ARHGAP5: variants seen among roughly 807,000 people sequenced by gnomAD.
ARHGAP5 encodes the protein Rho GTPase activating protein 5.
In ARHGAP5, 23 loss-of-function variants were observed where a neutral mutation model predicts 116.6. The observed-to-expected ratio is 0.20, with a 90% confidence interval of 0.14 to 0.28. ARHGAP5 has a LOEUF of 0.28. ARHGAP5 is among the 10% of genes least tolerant of loss of function. ARHGAP5 has a pLI of 1.00. For missense variants in ARHGAP5, 1,405 were observed against 1,774.8 expected, an observed-to-expected ratio of 0.79 and a Z score of 3.74; for synonymous variants, 574 against 602.0, an observed-to-expected ratio of 0.95 and a Z score of 0.68.
At chr14:32,121,783 C>T (rs1216029286) in intron 3 of ARHGAP5, among the ~76,000 whole-genome samples, 2 of 152,220 alleles carry the variant, frequency 1.3e-5, no homozygotes, top group African/African-American at 4.8e-5. Context: ...CATCAACTTT[C>T]TGCCTTTACA....
rs1178267435 is a variant in ARHGAP5 at position 32,093,296 on chromosome 14, C to T, written c.2627C>T (p.Thr876Ile). 2 of 1,613,662 alleles carry T rather than the reference C, an allele frequency of 1.2e-6. No homozygotes were observed. Among genetic ancestry groups the T allele is most frequent in the South Asian group, 1.1e-5 (1 of 90,968 alleles). The change falls in exon 2 of 7, where the codon ACC (threonine) becomes ATC (isoleucine). Residue 876 changes from threonine to isoleucine, a missense_variant. Around this residue, in one of 6 missense-constraint regions of ARHGAP5, gnomAD observed 944 missense variants for 1,095.3 expected, o/e 0.86. Transcript: ENST00000345122. ...LRAFLSEVQD[T>I]IPVQLVAVTD... ...GCATTTCTATCAGAAGTTCAAGACA[C>T]CATTCCTGTACAGCTGGTGGCAGTT...
intron 3 of ARHGAP5, among the ~76,000 whole-genome samples, chr14:32,140,494 G>A (rs1225024903): frequency 6.6e-6 from 1 of 152,096 alleles, no homozygotes; most frequent in East Asian, 1.9e-4. Context: ...GGAGGCTGAG[G>A]CAGGAGAACG....
At chr14:32,133,942 A>G (rs1880648472) in intron 3 of ARHGAP5, among the ~76,000 whole-genome samples, 1 of 152,146 alleles carries the variant, frequency 6.6e-6, no homozygotes, top group Non-Finnish European at 1.5e-5. Flanking sequence ...AATCAATAGA[A>G]AAAGAGGGAA....
intron 1 of ARHGAP5, among the ~76,000 whole-genome samples, chr14:32,084,781 T>C (rs1270678317): frequency 6.6e-6 from 1 of 152,180 alleles, no homozygotes; most frequent in Admixed American, 6.6e-5. Flanking sequence ...TAAACTGTGG[T>C]TCAAAGATGA....
At chr14:32,122,608 T>G (rs577460421) in intron 3 of ARHGAP5, among the ~76,000 whole-genome samples, 53 of 152,316 alleles carry the variant, frequency 3.5e-4, no homozygotes, top group African/African-American at 1.3e-3. Flanking sequence ...CACAAAGATT[T>G]ATTCCATTTA....
At chr14:32,082,424 A>G (rs530268109) in intron 1 of ARHGAP5, among the ~76,000 whole-genome samples, 3 of 152,278 alleles carry the variant, frequency 2.0e-5, no homozygotes, top group South Asian at 4.1e-4. Flanking sequence ...ACCACCATCT[A>G]TTGCTGAAAC....
At chr14:32,096,539 A>T (rs952111034) in intron 2 of ARHGAP5, among the ~76,000 whole-genome samples, 1 of 152,206 alleles carries the variant, frequency 6.6e-6, no homozygotes, top group African/African-American at 2.4e-5. Flanking sequence ...AATAGAGAAT[A>T]CTATCAACAA....
intron 3 of ARHGAP5, among the ~76,000 whole-genome samples, chr14:32,124,511 A>G (rs1004669652): frequency 1.3e-5 from 2 of 152,226 alleles, no homozygotes; most frequent in African/African-American, 4.8e-5. Context: ...CTGAAGAGAA[A>G]GGGAATAATA....
chr14:32,152,376 T>TATA (rs766724478), intron 5 of ARHGAP5, 47 bp from the exon 6 acceptor site: 3 of 1,277,536 alleles, frequency 2.3e-6, no homozygotes, highest in Non-Finnish European at 3.4e-6. Context: ...CAAATATTTT[T>TATA]AAATGTGTAA....
At chr14:32,086,947 TCTAAC>T (rs1445304184) in intron 1 of ARHGAP5, among the ~76,000 whole-genome samples, 2 of 152,178 alleles carry the variant, frequency 1.3e-5, no homozygotes, top group Non-Finnish European at 2.9e-5. Flanking sequence ...AGATTTTCCT[TCTAAC>T]CTTATAATTT....
At chr14:32,123,808 T>A (rs528936367) in intron 3 of ARHGAP5, among the ~76,000 whole-genome samples, 1 of 152,180 alleles carries the variant, frequency 6.6e-6, no homozygotes, top group Non-Finnish European at 1.5e-5. Flanking sequence ...TAAGATGGAT[T>A]GTAAGTTTGT....
chr14:32,134,129 C>G (rs1371249716), intron 3 of ARHGAP5, among the ~76,000 whole-genome samples: 1 of 152,178 alleles, frequency 6.6e-6, no homozygotes, highest in African/African-American at 2.4e-5. Flanking sequence ...CCACCATGAT[C>G]AAGTGGGCTT....
Position 32,140,353 on chromosome 14 carries a change from A to G in ARHGAP5, c.3866-5910A>G, listed in dbSNP as rs553253883. Among the ~76,000 whole-genome samples the G allele has an allele frequency of 2.6e-5, 4 of 151,906 alleles. No homozygotes were observed. The South Asian group carries it at 8.3e-4, about 32-fold the overall frequency. On this transcript the variant is annotated intron_variant, in intron 3 of 6. Transcript: ENST00000345122. ...TCCCAGCACTTTGGGAGGCCGAGGC[A>G]GGTGGATCACGAGGTCAGGAGATCA...
chr14:32,149,478 A>G (rs1881542093), intron 4 of ARHGAP5, among the ~76,000 whole-genome samples: 1 of 152,134 alleles, frequency 6.6e-6, no homozygotes, highest in Non-Finnish European at 1.5e-5. Flanking sequence ...AAGCCTGAAA[A>G]GAAAAGTGGG....
At chr14:32,140,115 C>CT (rs376976211) in intron 3 of ARHGAP5, among the ~76,000 whole-genome samples, 983 of 25,424 alleles carry the variant, frequency 0.039, 27 homozygotes, top group African/African-American at 0.11. Flanking sequence ...TTTTTTTTTC[C>CT]TTTTTTTTTT....
At chr14:32,084,460 G>A (rs147213088) in intron 1 of ARHGAP5, among the ~76,000 whole-genome samples, 1 of 152,116 alleles carries the variant, frequency 6.6e-6, no homozygotes, top group African/African-American at 2.4e-5. Flanking sequence ...TTTGTTAATT[G>A]TGTTTACAAG....
At chr14:32,128,980 T>C (rs887172134) in intron 3 of ARHGAP5, among the ~76,000 whole-genome samples, 2 of 152,368 alleles carry the variant, frequency 1.3e-5, no homozygotes, top group African/African-American at 4.8e-5. Context: ...GGCATTCCTG[T>C]GTTAGAGACT....
chr14:32,117,355 C>T, intron 3 of ARHGAP5, 68 bp downstream of exon 3: 2 of 1,375,624 alleles, frequency 1.5e-6, no homozygotes, highest in Admixed American at 4.2e-5. Flanking sequence ...AACAGTTTGT[C>T]AAATGTTTGT....
At chr14:32,144,624 C>T (rs1028174798) in intron 3 of ARHGAP5, among the ~76,000 whole-genome samples, 12 of 151,974 alleles carry the variant, frequency 7.9e-5, no homozygotes, top group African/African-American at 2.9e-4. Context: ...ACTGAGATTA[C>T]AAGCGCCCAC....
Sources: allele counts gnomAD v4.1 joint callset (sites outside exome capture counted in the v4.1 genomes callset), GRCh38; gene constraint gnomAD v4.1.1; regional missense constraint gnomAD v4.1.1; transcripts MANE v1.5; gene names NCBI Gene and HGNC (gene_info 2026-07-23, HGNC 2026-07-21).